Variants in PARD3B observed in about 807,000 individuals in gnomAD.
PARD3B encodes the protein par-3 family cell polarity regulator beta, also known as partitioning defective 3 homolog B.
PARD3B carries 103 observed loss-of-function variants against 130.2 expected under a neutral mutation model. That is an observed-to-expected ratio of 0.79 (90% CI 0.67 to 0.93). The LOEUF (loss-of-function observed/expected upper bound fraction) is 0.93, where lower values mean the gene tolerates loss of function less well. PARD3B is among the 40% of genes least tolerant of loss of function. PARD3B has a pLI of 0.00. For synonymous variants in PARD3B, 583 were observed against 553.2 expected (o/e 1.05, Z -0.76); for missense variants, 1,609 against 1,499.2 (o/e 1.07, Z -1.21).
intron 22 of PARD3B, among the ~76,000 whole-genome samples, chr2:205,555,552 C>CAAAG (rs2052844147): frequency 6.6e-6 from 1 of 152,152 alleles, no homozygotes; most frequent in Non-Finnish European, 1.5e-5. Context: ...GGTTTTCTGT[C>CAAAG]AAAGATAATA....
chr2:204,838,910 C>G (rs892812396), intron 2 of PARD3B, among the ~76,000 whole-genome samples: 5 of 152,152 alleles, frequency 3.3e-5, no homozygotes, highest in Non-Finnish European at 5.9e-5. Flanking sequence ...AGGGCCTAAC[C>G]TGGCTCCCTG....
chr2:204,874,020 G>A (rs2045740759), intron 2 of PARD3B, among the ~76,000 whole-genome samples: 3 of 152,074 alleles, frequency 2.0e-5, no homozygotes, highest in Non-Finnish European at 2.9e-5. Context: ...GCGGGTACCT[G>A]TAATCCCAGC....
intron 18 of PARD3B, among the ~76,000 whole-genome samples, chr2:205,324,368 C>T (rs1430454114): frequency 1.3e-5 from 2 of 152,004 alleles, no homozygotes; most frequent in Admixed American, 1.3e-4. Flanking sequence ...ACAATTTATG[C>T]TTAGCCTAGT....
intron 15 of PARD3B, among the ~76,000 whole-genome samples, chr2:205,222,887 C>T (rs2038317681): frequency 6.7e-6 from 1 of 150,088 alleles, no homozygotes; most frequent in Non-Finnish European, 1.5e-5. Context: ...GGAGCAGAGA[C>T]TTCATAGTAT....
chr2:205,123,718 G>T (rs763500250), intron 8 of PARD3B, among the ~76,000 whole-genome samples: 1 of 151,864 alleles, frequency 6.6e-6, no homozygotes, highest in Non-Finnish European at 1.5e-5. Flanking sequence ...AGATGGTCGC[G>T]GGTAGGTCAC....
At chr2:205,155,310 T>G (rs575670228) in intron 10 of PARD3B, among the ~76,000 whole-genome samples, 1 of 152,260 alleles carries the variant, frequency 6.6e-6, no homozygotes, top group African/African-American at 2.4e-5. Flanking sequence ...GCTGAGTCCT[T>G]TCCCAGACTC....
chr2:204,960,484 CAAT>C (rs1475983926), intron 2 of PARD3B, among the ~76,000 whole-genome samples: 2 of 152,200 alleles, frequency 1.3e-5, no homozygotes. Flanking sequence ...GCCAAACCAA[CAAT>C]AATGATGATG....
chr2:205,124,691 G>C (rs1195429838), intron 9 of PARD3B, among the ~76,000 whole-genome samples: 2 of 152,162 alleles, frequency 1.3e-5, no homozygotes, highest in Non-Finnish European at 2.9e-5. Flanking sequence ...GGGGCCAAAT[G>C]ATAGTGAAAA....
At chr2:204,848,988 C>G (rs1181692296) in intron 2 of PARD3B, among the ~76,000 whole-genome samples, 3 of 151,974 alleles carry the variant, frequency 2.0e-5, no homozygotes, top group African/African-American at 7.2e-5. Context: ...TGTTAAGATT[C>G]TTTAAGTTGT....
chr2:205,529,621 AT>A, intron 21 of PARD3B, among the ~76,000 whole-genome samples: 1 of 152,190 alleles, frequency 6.6e-6, no homozygotes, highest in Non-Finnish European at 1.5e-5. Context: ...CTATTGATTG[AT>A]TATACTTCAC....
intron 5 of PARD3B, among the ~76,000 whole-genome samples, chr2:205,110,741 C>T (rs1409561535): frequency 6.6e-6 from 1 of 151,270 alleles, no homozygotes; most frequent in African/African-American, 2.4e-5. Flanking sequence ...AACCTTCTAG[C>T]TTATTTTCTG....
At chr2:204,709,502 CTCTTT>C (rs2038334827) in intron 2 of PARD3B, among the ~76,000 whole-genome samples, 1 of 152,176 alleles carries the variant, frequency 6.6e-6, no homozygotes, top group Non-Finnish European at 1.5e-5. Flanking sequence ...TTATTCTCTT[CTCTTT>C]TATGACCTCT....
At chr2:204,797,739 G>C (rs571254199) in intron 2 of PARD3B, among the ~76,000 whole-genome samples, 150 of 152,100 alleles carry the variant, frequency 9.9e-4, no homozygotes, top group Admixed American at 9.8e-3. Context: ...TTTTTTAAAT[G>C]ACGTTTATTG....
chr2:205,008,851 C>G (rs995006795), intron 3 of PARD3B, among the ~76,000 whole-genome samples: 10 of 152,114 alleles, frequency 6.6e-5, no homozygotes, highest in Non-Finnish European at 1.3e-4. Flanking sequence ...TAAGTGATTT[C>G]CAAGATATTG....
intron 20 of PARD3B, among the ~76,000 whole-genome samples, chr2:205,498,724 TG>T (rs1204854918): frequency 1.3e-5 from 2 of 152,208 alleles, no homozygotes; most frequent in African/African-American, 4.8e-5. Flanking sequence ...TCCCTCTACC[TG>T]GAATATCCTC....
At position 204,677,179 on chromosome 2, in the gene PARD3B, T is replaced by C. The variant is rs747415033; in HGVS notation, c.121-9002T>C. 9.9e-5 allele frequency among the ~76,000 whole-genome samples: 15 copies of C among 152,188 alleles called. No individual in the cohort carries two copies. The highest frequency in any genetic ancestry group is 2.0e-4 in the Admixed American group (3 of 15,274). ...TACTTATTTACGGAGGTCTAAGTGTTTAAGGTAAAACTTTTACATAAAATA... is the reference window on the plus strand; with the variant it reads ...TACTTATTTACGGAGGTCTAAGTGTCTAAGGTAAAACTTTTACATAAAATA... On this transcript the variant is annotated intron_variant, in intron 1 of 22. Transcript: ENST00000406610. The surrounding 1 kb of genome is among the most constrained non-coding windows in gnomAD (Gnocchi z 4.1).
chr2:205,034,426 C>A (rs1697655554), intron 3 of PARD3B, among the ~76,000 whole-genome samples: 1 of 152,176 alleles, frequency 6.6e-6, no homozygotes, highest in East Asian at 1.9e-4. Context: ...GGTCTTCCAA[C>A]AATCCACAGC....
rs2042011294 is a variant in PARD3B, at chr2:205,301,813, A to G, written c.2630+112A>G. The G allele has an allele frequency of 6.6e-7, 1 of 1,505,128 alleles. No individual in the cohort carries two copies. Among genetic ancestry groups the G allele is most frequent in the East Asian group, 2.3e-5 (1 of 44,328 alleles). 93.2% of individuals were successfully genotyped at this position (1,505,128 alleles called of 1,614,324 possible). A position where few individuals can be genotyped will look rare whatever the true frequency, so the allele number is the denominator to read the frequency against. ...CACGCTTTTCCTCGTCTTCAGCCAAATGCATACGGCTCTCAATTCTGTGCT... is the reference window on the plus strand; with the variant it reads ...CACGCTTTTCCTCGTCTTCAGCCAAGTGCATACGGCTCTCAATTCTGTGCT... On this transcript the variant is annotated intron_variant, in intron 18 of 22. Transcript: ENST00000406610. The surrounding 1 kb of genome is among the most constrained non-coding windows in gnomAD (Gnocchi z 5.2).
intron 3 of PARD3B, among the ~76,000 whole-genome samples, chr2:204,991,074 T>G (rs1012270505): frequency 1.4e-5 from 2 of 144,776 alleles, no homozygotes; most frequent in Non-Finnish European, 3.0e-5. Flanking sequence ...TTGTCATTCT[T>G]TTTTTTTTTT....
Sources: gnomAD v4.1 joint callset for allele counts (sites outside exome capture counted in the v4.1 genomes callset) on GRCh38, gnomAD v4.1.1 for gene constraint, Gnocchi (gnomAD v3.1) non-coding constraint, MANE v1.5 for transcripts, NCBI Gene and HGNC (gene_info 2026-07-23, HGNC 2026-07-21) for gene names.